The following KIAA2012 variants were observed in gnomAD, a reference collection of about 807,000 sequenced individuals.
KIAA2012 encodes the protein uncharacterized protein KIAA2012.
A neutral mutation model predicts 150.6 loss-of-function variants in KIAA2012; 125 were observed. The ratio of observed to expected loss-of-function variants is 0.83; its 90% confidence interval spans 0.72 to 0.96. The LOEUF (loss-of-function observed/expected upper bound fraction) is 0.96. Ranked by LOEUF, KIAA2012 falls within the 40% of genes least tolerant of loss-of-function variation. The pLI, the probability that KIAA2012 is intolerant of heterozygous loss-of-function variation, is 0.00. For missense variants in KIAA2012, 1,219 were observed against 1,354.9 expected, an observed-to-expected ratio of 0.90 and a Z score of 1.57; for synonymous variants, 462 against 504.7, an observed-to-expected ratio of 0.92 and a Z score of 1.13.
At chr2:202,122,069 G>A (rs930476451) in intron 11 of KIAA2012, among the ~76,000 whole-genome samples, 2 of 152,190 alleles carry the variant, frequency 1.3e-5, no homozygotes, top group Non-Finnish European at 2.9e-5. Context: ...TGGTGTGAGT[G>A]GACTGTGGAG....
At position 202,196,817 on chromosome 2, in the gene KIAA2012, C is replaced by G; in HGVS notation, c.3205C>G (p.Gln1069Glu). The G allele has an allele frequency of 6.4e-7, 1 of 1,550,400 alleles. No homozygotes were observed. ...AERAEAEKQR[Q>E]EELEMQLEEE... is the part of the protein sequence containing the mutation. ...TTCTGCAGAGGCAGAGAAGCAAAGG[C>G]AAGAGGAATTGGAAATGCAGTTAGA... The change falls in exon 22 of 24, where the codon CAA becomes GAA. Residue 1069 changes from glutamine to glutamate, a missense_variant. Physicochemically the swap from Gln to Glu is conservative, Grantham distance 29. Transcript: ENST00000498697.
intron 12 of KIAA2012, among the ~76,000 whole-genome samples, chr2:202,131,611 C>T (rs889574770): frequency 5.9e-5 from 9 of 152,182 alleles, no homozygotes; most frequent in East Asian, 1.9e-4. Context: ...GAGCTATGAA[C>T]GAGTTCAGAC....
intron 13 of KIAA2012, among the ~76,000 whole-genome samples, chr2:202,140,378 A>G (rs1691174522): frequency 6.6e-6 from 1 of 152,158 alleles, no homozygotes; most frequent in Non-Finnish European, 1.5e-5. Context: ...GCTCCCTGAG[A>G]AGCCCATGCA....
intron 4 of KIAA2012, among the ~76,000 whole-genome samples, chr2:202,096,065 C>CA (rs1472059595): frequency 4.8e-4 from 73 of 152,194 alleles, no homozygotes; most frequent in Admixed American, 1.3e-3. Context: ...GCCTGGGCAA[C>CA]AGAGTGAGAC....
intron 14 of KIAA2012, among the ~76,000 whole-genome samples, chr2:202,164,782 T>A (rs563521855): frequency 2.4e-4 from 36 of 152,302 alleles, no homozygotes; most frequent in Admixed American, 1.6e-3. Flanking sequence ...TTGGCCTCTG[T>A]CATGACATTC....
intron 4 of KIAA2012, 70 bp downstream of exon 4, chr2:202,093,255 G>T: frequency 6.8e-7 from 1 of 1,467,586 alleles, no homozygotes; most frequent in South Asian, 1.2e-5. Context: ...ACCTTAAAAT[G>T]GCATTTCCCA....
chr2:202,172,842 G>A (rs1184225379), intron 15 of KIAA2012, among the ~76,000 whole-genome samples: 1 of 152,230 alleles, frequency 6.6e-6, no homozygotes, highest in Non-Finnish European at 1.5e-5. Context: ...ACCATGCAAA[G>A]GTCTGGGGCT....
Position 202,195,604 on chromosome 2 carries a change from A to G in KIAA2012, c.3188-1196A>G, listed in dbSNP as rs930042522. On this transcript the variant is annotated intron_variant, in intron 21 of 23. Transcript: ENST00000498697. ...TATTGTTACAGTTGCCTACAGTGCT[A>G]TAGAACACTAGAACTTACTCCTTCT... Among the ~76,000 whole-genome samples the G allele has an allele frequency of 3.9e-5, 6 of 152,140 alleles. No homozygotes were observed. The South Asian group carries it at 6.2e-4, about 16-fold the overall frequency.
intron 10 of KIAA2012, 44 bp from the exon 11 acceptor site, chr2:202,113,292 C>A: frequency 6.8e-7 from 1 of 1,478,526 alleles, no homozygotes; most frequent in Non-Finnish European, 9.2e-7. Flanking sequence ...GTCTCCCTCA[C>A]CAACACGGTA....
At chr2:202,077,146 G>A in intron 2 of KIAA2012, 2 of 433,208 alleles carry the variant, frequency 4.6e-6, no homozygotes, top group Non-Finnish European at 4.6e-6. Context: ...TAAGTGTGGT[G>A]CTGGCTTCCT....
At chr2:202,100,093 GA>G (rs377067993) in intron 6 of KIAA2012, among the ~76,000 whole-genome samples, 5 of 152,168 alleles carry the variant, frequency 3.3e-5, no homozygotes, top group African/African-American at 1.2e-4. Context: ...GTAGAATGGG[GA>G]TAATAATTAC....
chr2:202,103,714 T>G (rs1163391229), intron 8 of KIAA2012, among the ~76,000 whole-genome samples: 1 of 152,250 alleles, frequency 6.6e-6, no homozygotes, highest in Non-Finnish European at 1.5e-5. Flanking sequence ...TCTATAATCT[T>G]TGCCACAGCA....
chr2:202,203,147 A>G (rs957641982), intron 23 of KIAA2012, among the ~76,000 whole-genome samples: 1 of 152,180 alleles, frequency 6.6e-6, no homozygotes, highest in Non-Finnish European at 1.5e-5. Context: ...TTGGTGCCTA[A>G]AACTGCCCAT....
At chr2:202,090,659 C>T (rs1575004800) in intron 2 of KIAA2012, 111 bp from the exon 3 acceptor site, 1 of 1,282,796 alleles carries the variant, frequency 7.8e-7, no homozygotes, top group East Asian at 2.7e-5. Flanking sequence ...TGCCTTCTGG[C>T]ACCTTCTGGG....
At chr2:202,192,688 C>T (rs1388152085) in intron 19 of KIAA2012, among the ~76,000 whole-genome samples, 8 of 152,106 alleles carry the variant, frequency 5.3e-5, no homozygotes. Flanking sequence ...AACTCCTGAC[C>T]TCAGGTGATC....
At chr2:202,160,024 A>G (rs1363578790) in intron 14 of KIAA2012, among the ~76,000 whole-genome samples, 5 of 152,186 alleles carry the variant, frequency 3.3e-5, no homozygotes, top group Non-Finnish European at 7.3e-5. Flanking sequence ...GCCTTGTATA[A>G]TCTTCCTGTC....
At chr2:202,196,475 G>A (rs766380649) in intron 21 of KIAA2012, among the ~76,000 whole-genome samples, 7 of 151,800 alleles carry the variant, frequency 4.6e-5, no homozygotes, top group Non-Finnish European at 7.4e-5. Context: ...GATTACAGGC[G>A]TGAGCCACCA....
intron 22 of KIAA2012, 101 bp downstream of exon 22, chr2:202,197,120 C>T: frequency 2.7e-6 from 4 of 1,503,386 alleles, no homozygotes; most frequent in Non-Finnish European, 3.6e-6. Context: ...CAAGAAAAGT[C>T]CCCCCACCCC....
intron 2 of KIAA2012, among the ~76,000 whole-genome samples, chr2:202,081,570 G>A (rs529873515): frequency 5.9e-4 from 84 of 142,308 alleles, no homozygotes; most frequent in African/African-American, 2.0e-3. Flanking sequence ...TTTTGCTGAC[G>A]GAGTTTCGCT....
Sources: gnomAD v4.1 joint callset for allele counts (sites outside exome capture counted in the v4.1 genomes callset) on GRCh38, gnomAD v4.1.1 for gene constraint, MANE v1.5 for transcripts, NCBI Gene and HGNC (gene_info 2026-07-23, HGNC 2026-07-21) for gene names.